PSKH1: variants seen among roughly 807,000 people sequenced by gnomAD.
PSKH1 encodes the protein serine/threonine-protein kinase H1.
Under a neutral mutation model 26.7 loss-of-function variants are expected in PSKH1, and 12 were observed. The observed-to-expected ratio is 0.45, with a 90% CI of 0.29 to 0.73. PSKH1 has a LOEUF of 0.73. Among genes scored for constraint, PSKH1 ranks in the 30% least tolerant of loss-of-function variants. The probability of loss-of-function intolerance (pLI) is 0.11; values close to 1 mark genes in which losing one functional copy is unlikely to be tolerated. For missense variants in PSKH1, 431 were observed against 595.2 expected (o/e 0.72, Z 2.87); for synonymous variants, 213 against 234.3 (o/e 0.91, Z 0.83).
At chr16:67,912,031 G>A (rs541010413) in intron 2 of PSKH1, among the ~76,000 whole-genome samples, 1 of 152,324 alleles carries the variant, frequency 6.6e-6, no homozygotes, top group East Asian at 1.9e-4. Flanking sequence ...TAGGGGTGAA[G>A]GGGCCACTGT....
At chr16:67,902,114 A>T (rs1040200993) in intron 1 of PSKH1, among the ~76,000 whole-genome samples, 2 of 151,794 alleles carry the variant, frequency 1.3e-5, no homozygotes, top group Non-Finnish European at 2.9e-5. Flanking sequence ...ACAAAAATTA[A>T]CCAAGCATGG....
At chr16:67,896,839 A>C (rs1040024692) in intron 1 of PSKH1, among the ~76,000 whole-genome samples, 1 of 152,206 alleles carries the variant, frequency 6.6e-6, no homozygotes, top group East Asian at 1.9e-4. Context: ...TGCAGCCTTC[A>C]GGAAACCTGT....
intron 1 of PSKH1, among the ~76,000 whole-genome samples, chr16:67,901,875 C>T (rs2058143053): frequency 6.6e-6 from 1 of 152,134 alleles, no homozygotes; most frequent in Admixed American, 6.5e-5. Flanking sequence ...AATCCTCCCA[C>T]CTTGGCCTCC....
intron 2 of PSKH1, among the ~76,000 whole-genome samples, chr16:67,923,295 A>T (rs2058207924): frequency 6.6e-6 from 1 of 152,148 alleles, no homozygotes; most frequent in Admixed American, 6.5e-5. Flanking sequence ...CTGCAAGGGG[A>T]AAAGGACTCT....
intron 1 of PSKH1, among the ~76,000 whole-genome samples, chr16:67,900,641 T>G (rs1423096734): frequency 6.6e-6 from 1 of 152,146 alleles, no homozygotes; most frequent in East Asian, 1.9e-4. Flanking sequence ...ACGAGTCTCT[T>G]TACCTCTCCT....
At chr16:67,911,558 T>A (rs886170144) in intron 2 of PSKH1, among the ~76,000 whole-genome samples, 1 of 152,194 alleles carries the variant, frequency 6.6e-6, no homozygotes, top group Non-Finnish European at 1.5e-5. Flanking sequence ...AGCGGGCACC[T>A]ATAATCCCAG....
intron 1 of PSKH1, among the ~76,000 whole-genome samples, chr16:67,908,338 C>A (rs944544931): frequency 1.3e-5 from 2 of 152,108 alleles, no homozygotes; most frequent in African/African-American, 4.8e-5. Context: ...GGTGCAATCT[C>A]AGCTCACTGC....
rs760404596 is a variant in PSKH1, at chr16:67,909,196, G to T, written c.447G>T (p.Arg149=). 2 of 1,614,128 alleles carry T rather than the reference G, an allele frequency of 1.2e-6. No homozygotes were observed. The highest frequency in any genetic ancestry group is 1.7e-6 in the Non-Finnish European group (2 of 1,180,034). The change falls in exon 2 of 3, where the codon CGG becomes CGT. Residue 149 remains arginine, a synonymous_variant. Transcript: ENST00000291041. The surrounding 1 kb of genome is among the most constrained non-coding windows in gnomAD (Gnocchi z 7.8). ...VCESELRVLR[R]VRHANIIQLV... Reference sequence around the variant, plus strand: ...AGTCGGAGCTGCGTGTGCTGCGTCGGGTGCGTCATGCCAACATCATCCAGC... The same window carrying T: ...AGTCGGAGCTGCGTGTGCTGCGTCGTGTGCGTCATGCCAACATCATCCAGC...
chr16:67,897,082 A>G (rs2058128595), intron 1 of PSKH1, among the ~76,000 whole-genome samples: 1 of 152,204 alleles, frequency 6.6e-6, no homozygotes, highest in Non-Finnish European at 1.5e-5. Flanking sequence ...TGAATGGGCT[A>G]TAGGTGTGCC....
chr16:67,927,672 AC>A lies in PSKH1; in HGVS notation c.*33del. 1.3e-6 allele frequency: 2 copies of A among 1,569,576 alleles called. No individual in the cohort carries two copies. Among genetic ancestry groups the A allele is most frequent in the Non-Finnish European group, 1.7e-6 (2 of 1,162,240 alleles). ...CCTGGCTGTGCACACATGCAGCACG[AC>A]CCAGCCTGGCCACACACTGTGGTGC... On this transcript the variant is annotated 3_prime_UTR_variant, in exon 3 of 3. Coordinates refer to ENST00000291041, the MANE Select transcript of PSKH1 (RefSeq NM_006742.3). This position sits in a 1 kb window ranked among gnomAD's most constrained non-coding sequence, Gnocchi z 5.5.
intron 2 of PSKH1, among the ~76,000 whole-genome samples, chr16:67,924,994 G>A (rs983819800): frequency 3.3e-5 from 5 of 151,512 alleles, no homozygotes; most frequent in South Asian, 2.1e-4. Flanking sequence ...TCTTTGAGGC[G>A]GAGTCTTACC....
chr16:67,908,861 T>G lies in PSKH1; in HGVS notation c.112T>G (p.Phe38Val). The change falls in exon 2 of 3, where the codon TTC becomes GTC. Residue 38 changes from phenylalanine (F) to valine (V), a missense_variant. Physicochemically the swap from Phe to Val is conservative, Grantham distance 50. Coordinates refer to ENST00000291041, the MANE Select transcript of PSKH1 (RefSeq NM_006742.3). The stretch of plus-strand genomic sequence containing the variant: ...CACTAAGAGTGACGTGTACAAGCAC[T>G]TCATCACAGAGGTGGACAGTGTTGG... ...SGTKSDVYKH[F>V]ITEVDSVGPV... The G allele has an allele frequency of 6.2e-7, 1 of 1,614,156 alleles. No individual in the cohort carries two copies. Among genetic ancestry groups the G allele is most frequent in the Non-Finnish European group, 8.5e-7 (1 of 1,180,028 alleles).
chr16:67,903,371 T>C (rs1353915204), intron 1 of PSKH1, among the ~76,000 whole-genome samples: 1 of 151,974 alleles, frequency 6.6e-6, no homozygotes, highest in African/African-American at 2.4e-5. Flanking sequence ...AGGCTGGTCT[T>C]GAACTCCTGG....
intron 1 of PSKH1, among the ~76,000 whole-genome samples, chr16:67,907,441 A>C (rs1466192003): frequency 6.6e-6 from 1 of 151,852 alleles, no homozygotes; most frequent in Non-Finnish European, 1.5e-5. Context: ...TTGTACTTGT[A>C]GTAGAAATGG....
Position 67,928,629 on chromosome 16 carries a change from T to G in PSKH1, c.*987T>G, listed in dbSNP as rs570963996. 5 of 152,770 alleles carry G rather than the reference T, an allele frequency of 3.3e-5. No homozygotes were observed. The East Asian group carries it at 9.6e-4, about 29-fold the overall frequency. 9.5% of individuals were successfully genotyped at this position (152,770 alleles called of 1,614,324 possible). ...GCCTTTTCCCTTCAGGCTCTGTTGC[T>G]CCCTCCTCTGCAGCTGCACGAAGGC... On this transcript the variant is annotated 3_prime_UTR_variant, in exon 3 of 3. Coordinates refer to ENST00000291041, the MANE Select transcript of PSKH1 (RefSeq NM_006742.3). This position sits in a 1 kb window ranked among gnomAD's most constrained non-coding sequence, Gnocchi z 4.8.
rs942779122 is a variant in PSKH1 at position 67,904,821 on chromosome 16, A to ATT, written c.-70-3837_-70-3836dup. ...CCACACTCTTACTGGTCCTTTTTTA[A>ATT]TTTTTTTTTTTTTTTTTTTTTTTGA... On this transcript the variant is annotated intron_variant, in intron 1 of 2. Coordinates refer to ENST00000291041, the MANE Select transcript of PSKH1 (RefSeq NM_006742.3). 7.8e-3 allele frequency among the ~76,000 whole-genome samples: 906 copies of ATT among 115,696 alleles called. 11 individuals are homozygous for ATT. Among genetic ancestry groups the ATT allele is most frequent in the African/African-American group, 0.021 (627 of 30,038 alleles). The allele number at this position is 115,696 out of a possible 152,430, so 75.9% of individuals were successfully genotyped here.
intron 1 of PSKH1, among the ~76,000 whole-genome samples, chr16:67,898,722 C>T (rs2058133586): frequency 6.6e-6 from 1 of 151,100 alleles, no homozygotes; most frequent in African/African-American, 2.4e-5. Context: ...CTTCCGGGTT[C>T]AAGCAGTTCC....
intron 2 of PSKH1, among the ~76,000 whole-genome samples, chr16:67,913,119 A>C (rs1790769852): frequency 6.6e-6 from 1 of 152,036 alleles, no homozygotes; most frequent in Admixed American, 6.5e-5. Flanking sequence ...CAGGAGTTCA[A>C]GGTTGCAGGG....
chr16:67,896,361 G>C (rs924895110), intron 1 of PSKH1, among the ~76,000 whole-genome samples: 2 of 151,566 alleles, frequency 1.3e-5, no homozygotes, highest in Non-Finnish European at 2.9e-5. Flanking sequence ...CACTCACCTC[G>C]GACTCCCAAA....
Sources: gnomAD v4.1 joint callset for allele counts (sites outside exome capture counted in the v4.1 genomes callset) on GRCh38, gnomAD v4.1.1 for gene constraint, Gnocchi (gnomAD v3.1) non-coding constraint, MANE v1.5 for transcripts, NCBI Gene and HGNC (gene_info 2026-07-23, HGNC 2026-07-21) for gene names.